MYL11: variants seen among roughly 807,000 people sequenced by gnomAD.
MYL11 encodes myosin light chain 11.
the MYL11 span, chr16:30,375,832 G>A: frequency 6.2e-7 from 1 of 1,613,994 alleles, no homozygotes; most frequent in South Asian, 1.1e-5. Context: ...ACCCAAGAGG[G>A]CCAAGAGAAG....
the MYL11 span, among the ~76,000 whole-genome samples, chr16:30,373,908 G>A: frequency 6.6e-6 from 1 of 152,144 alleles, no homozygotes; most frequent in Non-Finnish European, 1.5e-5. Flanking sequence ...ACTCCACCAT[G>A]TGGGGGTGGA....
the MYL11 span, chr16:30,377,800 A>C: frequency 6.2e-7 from 1 of 1,614,070 alleles, no homozygotes. Context: ...CCCCAGATCA[A>C]GAACATGTGG....
the MYL11 span, chr16:30,375,720 T>C: frequency 1.0e-6 from 1 of 998,000 alleles, no homozygotes; most frequent in Non-Finnish European, 1.5e-6. Context: ...AGGGCTGCTT[T>C]AGGAACAGGG....
the MYL11 span, chr16:30,374,901 C>A: frequency 6.2e-7 from 1 of 1,609,072 alleles, no homozygotes; most frequent in Non-Finnish European, 8.5e-7. Flanking sequence ...ATCCCTTAGA[C>A]CTCAGGGCAG....
At chr16:30,376,625 G>C in the MYL11 span, 1 of 1,614,084 alleles carries the variant, frequency 6.2e-7, no homozygotes, top group Non-Finnish European at 8.5e-7. Flanking sequence ...CACAGGTGCC[G>C]ACCCTGAGGA....
chr16:30,376,050 C>A, the MYL11 span: 1 of 1,505,762 alleles, frequency 6.6e-7, no homozygotes, highest in Non-Finnish European at 9.2e-7. Flanking sequence ...TGGAAGAGGA[C>A]AGTTGGCTGA....
At chr16:30,372,094 C>T in the MYL11 span, among the ~76,000 whole-genome samples, 21 of 152,274 alleles carry the variant, frequency 1.4e-4, no homozygotes, top group East Asian at 3.1e-3. Flanking sequence ...CCTTTCCCAT[C>T]TCCCGTTTGA....
chr16:30,374,303 C>T, the MYL11 span, among the ~76,000 whole-genome samples: 3 of 149,368 alleles, frequency 2.0e-5, no homozygotes, highest in South Asian at 2.1e-4. Context: ...GGAGACAGAG[C>T]GAGACTGTCT....
At chr16:30,376,394 C>T in the MYL11 span, 5 of 1,598,942 alleles carry the variant, frequency 3.1e-6, no homozygotes, top group Non-Finnish European at 4.3e-6. Flanking sequence ...GAGCCTGCTC[C>T]AGCCCATGCT....
chr16:30,377,733 G>A, the MYL11 span: 2 of 1,574,934 alleles, frequency 1.3e-6, no homozygotes, highest in East Asian at 2.3e-5. Context: ...GGCCGGAGCA[G>A]CAAAGGGGCT....
chr16:30,375,695 G>A, the MYL11 span: 2 of 736,652 alleles, frequency 2.7e-6, no homozygotes, highest in Non-Finnish European at 4.5e-6. Flanking sequence ...CCAAGGAAGG[G>A]GAGACTCAGG....
At chr16:30,376,815 C>T in the MYL11 span, 1 of 1,039,294 alleles carries the variant, frequency 9.6e-7, no homozygotes, top group Non-Finnish European at 1.4e-6. Flanking sequence ...GCCTATAATC[C>T]CAGTGCTTTG....
the MYL11 span, chr16:30,375,675 C>G: frequency 3.0e-6 from 2 of 657,634 alleles, no homozygotes; most frequent in African/African-American, 3.7e-5. Flanking sequence ...GCCCCCTCAG[C>G]AAAGAGGTCC....
At chr16:30,377,612 C>A in the MYL11 span, 56 of 1,442,714 alleles carry the variant, frequency 3.9e-5, 1 homozygote, top group South Asian at 8.2e-4. Context: ...GGAAAGGAAC[C>A]AGGAACCCAA....
At chr16:30,371,556 C>G in the MYL11 span, among the ~76,000 whole-genome samples, 4 of 152,288 alleles carry the variant, frequency 2.6e-5, no homozygotes, top group East Asian at 7.7e-4. Flanking sequence ...CTCCAAGTCC[C>G]TCTCCTCAGT....
chr16:30,375,999 G>A, the MYL11 span: 3 of 1,523,102 alleles, frequency 2.0e-6, no homozygotes, highest in Admixed American at 5.4e-5. Flanking sequence ...CTTGAAGGAG[G>A]GGAAAGGTTT....
chr16:30,375,015 G>A, the MYL11 span, among the ~76,000 whole-genome samples: 4 of 152,156 alleles, frequency 2.6e-5, no homozygotes, highest in African/African-American at 9.7e-5. Context: ...CTGTGTGATG[G>A]CCTAAAGGAT....
chr16:30,374,818 C>A, the MYL11 span: 1 of 1,611,982 alleles, frequency 6.2e-7, no homozygotes, highest in Non-Finnish European at 8.5e-7. Context: ...TTGCTTCTTT[C>A]CAGCCGGAGC....
At chr16:30,377,564 A>C in the MYL11 span, 1 of 1,325,892 alleles carries the variant, frequency 7.5e-7, no homozygotes, top group Non-Finnish European at 9.9e-7. Flanking sequence ...TTTTCAGGGG[A>C]GGCTGGGGCT....
Sources: allele counts gnomAD v4.1 joint callset (sites outside exome capture counted in the v4.1 genomes callset), GRCh38; gene constraint gnomAD v4.1.1; transcripts MANE v1.5; gene names NCBI Gene and HGNC (gene_info 2026-07-23, HGNC 2026-07-21).